Variants in ARHGAP32 observed in about 807,000 individuals in gnomAD.
The protein encoded by ARHGAP32 is Rho GTPase activating protein 32.
Under a neutral mutation model 186.5 loss-of-function variants are expected in ARHGAP32, and 51 were observed. That is an observed-to-expected ratio of 0.27 (90% CI 0.22 to 0.35). The LOEUF (loss-of-function observed/expected upper bound fraction) is 0.35. ARHGAP32 is among the 10% of genes least tolerant of loss of function. The pLI, the probability that ARHGAP32 is intolerant of heterozygous loss-of-function variation, is 1.00. For synonymous variants in ARHGAP32, 950 were observed against 964.3 expected, an observed-to-expected ratio of 0.99 and a Z score of 0.27; for missense variants, 2,186 against 2,623.5, an observed-to-expected ratio of 0.83 and a Z score of 3.64.
At chr11:129,137,611 G>A (rs772654897) in intron 2 of ARHGAP32, among the ~76,000 whole-genome samples, 1 of 151,918 alleles carries the variant, frequency 6.6e-6, no homozygotes, top group Non-Finnish European at 1.5e-5. Context: ...AAAAGAAGAC[G>A]ATTAAAGCAA....
chr11:129,069,896 T>C (rs1940816443), intron 6 of ARHGAP32, among the ~76,000 whole-genome samples: 1 of 151,994 alleles, frequency 6.6e-6, no homozygotes, highest in Non-Finnish European at 1.5e-5. Context: ...CTGGTGCTTG[T>C]AGAAGAGAAA....
At chr11:129,270,730 T>TA (rs1384367688) in intron 1 of ARHGAP32, among the ~76,000 whole-genome samples, 2,678 of 143,256 alleles carry the variant, frequency 0.019, 87 homozygotes, top group African/African-American at 0.062. Flanking sequence ...ATAGTCTACT[T>TA]AAAAAAAAAA....
chr11:129,033,558 C>A (rs1939201380), intron 11 of ARHGAP32, among the ~76,000 whole-genome samples: 1 of 152,150 alleles, frequency 6.6e-6, no homozygotes, highest in Non-Finnish European at 1.5e-5. Context: ...CTGTAATCTG[C>A]CCTTTCACTG....
intron 1 of ARHGAP32, among the ~76,000 whole-genome samples, chr11:129,262,770 G>A (rs1945339723): frequency 2.5e-5 from 2 of 80,500 alleles, no homozygotes; most frequent in Admixed American, 1.5e-4. Flanking sequence ...CCTGGGAGAA[G>A]ACTGCAACAC....
Position 128,981,468 on chromosome 11 carries a change from G to A in ARHGAP32, c.1728C>T (p.His576=), listed in dbSNP as rs763899047. 1.8e-5 allele frequency: 29 copies of A among 1,613,614 alleles called. No individual in the cohort carries two copies. In the South Asian group the frequency reaches 2.1e-4, roughly 12 times the overall value. ...QSVVVEFILN[H]VDVLFSGRIS... ...TTCTGCCGCTGAACAGCACATCAACGTGATTCAGGATGAACTCAACAACCA... is the reference window on the plus strand; with the variant it reads ...TTCTGCCGCTGAACAGCACATCAACATGATTCAGGATGAACTCAACAACCA... Residue 576 remains histidine, a synonymous_variant, in exon 17 of 23, where the codon CAC becomes CAT. Coordinates refer to ENST00000682385, the MANE Select transcript of ARHGAP32 (RefSeq NM_001378024.1).
chr11:128,972,652 G>A lies in ARHGAP32; in HGVS notation c.3854C>T (p.Ala1285Val), dbSNP rs1196083735. The change falls in exon 22 of 23, where the codon GCC becomes GTC. Residue 1285 changes from alanine (A) to valine (V), a missense_variant. Coordinates refer to ENST00000682385, the MANE Select transcript of ARHGAP32 (RefSeq NM_001378024.1). ...MTYMTTTPATAQMSTKEASWD... is the reference protein window; with the variant it reads ...MTYMTTTPATVQMSTKEASWD... The stretch of plus-strand genomic sequence containing the variant: ...GCTGGCTTCCTTGGTGCTCATTTGG[G>A]CTGTTGCTGGAGTAGTTGTCATGTA... 1 of 1,613,830 alleles carries A rather than the reference G, an allele frequency of 6.2e-7. No individual in the cohort carries two copies. The highest frequency in any genetic ancestry group is 2.2e-5 in the East Asian group (1 of 44,876).
intron 11 of ARHGAP32, among the ~76,000 whole-genome samples, chr11:129,012,483 T>A (rs1938129605): frequency 6.6e-6 from 1 of 152,100 alleles, no homozygotes; most frequent in African/African-American, 2.4e-5. Flanking sequence ...TAAATAAAAT[T>A]CCTTATCAAA....
At chr11:129,034,602 G>A (rs1331266655) in intron 11 of ARHGAP32, among the ~76,000 whole-genome samples, 2 of 151,660 alleles carry the variant, frequency 1.3e-5, no homozygotes, top group Non-Finnish European at 2.9e-5. Flanking sequence ...AGCTTTATGC[G>A]AGAAAAGAAA....
intron 6 of ARHGAP32, among the ~76,000 whole-genome samples, chr11:129,081,652 A>G (rs919987841): frequency 6.6e-6 from 1 of 152,120 alleles, no homozygotes; most frequent in Admixed American, 6.5e-5. Flanking sequence ...ATTATACTGA[A>G]CAGGTAAAAG....
At chr11:129,207,374 A>G (rs1944527506) in intron 1 of ARHGAP32, among the ~76,000 whole-genome samples, 3 of 152,064 alleles carry the variant, frequency 2.0e-5, no homozygotes, top group Admixed American at 2.0e-4. Context: ...AAACGTTCCT[A>G]TTTCTCCACA....
intron 11 of ARHGAP32, among the ~76,000 whole-genome samples, chr11:129,022,981 T>C (rs1490267270): frequency 6.6e-6 from 1 of 152,186 alleles, no homozygotes; most frequent in East Asian, 1.9e-4. Context: ...ACTATGAAAA[T>C]GAGCTCTAAA....
At chr11:129,259,042 T>C (rs1945290245) in intron 1 of ARHGAP32, among the ~76,000 whole-genome samples, 1 of 152,142 alleles carries the variant, frequency 6.6e-6, no homozygotes, top group African/African-American at 2.4e-5. Context: ...TAAAGAGAAC[T>C]ACCTAAAAGT....
rs955886737 is a variant in ARHGAP32, at chr11:128,965,705, C to G, written c.*3202G>C. The G allele has an allele frequency of 1.3e-5, 2 of 152,226 alleles. No homozygotes were observed. The highest frequency in any genetic ancestry group is 4.8e-5 in the African/African-American group (2 of 41,446). The allele number at this position is 152,226 out of a possible 1,614,324, so 9.4% of individuals were successfully genotyped here. A position where few individuals can be genotyped will look rare whatever the true frequency, so the allele number is the denominator to read the frequency against. ...TTTCATTATTACTTTCTTACACATT[C>G]TGCTCAAGCAGTACTTTGCCAACAT... On this transcript the variant is annotated 3_prime_UTR_variant, in exon 23 of 23. Transcript: ENST00000682385.
At chr11:128,985,848 G>GTA (rs1167659994) in intron 15 of ARHGAP32, 155 bp downstream of exon 15, 9 of 128,768 alleles carry the variant, frequency 7.0e-5, no homozygotes, top group African/African-American at 3.8e-4. Flanking sequence ...GTGTGTGTGT[G>GTA]TGTGTGTGTG....
intron 5 of ARHGAP32, among the ~76,000 whole-genome samples, chr11:129,122,227 T>C (rs1028042045): frequency 3.9e-5 from 6 of 152,078 alleles, no homozygotes; most frequent in African/African-American, 9.7e-5. Flanking sequence ...CATTTAAATA[T>C]TCTTTGGACT....
Position 129,123,626 on chromosome 11 carries a change from G to A in ARHGAP32, c.360-96C>T, listed in dbSNP as rs1031742006. 27 of 1,135,040 alleles carry A rather than the reference G, an allele frequency of 2.4e-5. No homozygotes were observed. In the African/African-American group the frequency reaches 4.1e-4, roughly 17 times the overall value. 70.3% of individuals were successfully genotyped at this position (1,135,040 alleles called of 1,614,324 possible). On this transcript the variant is annotated intron_variant, in intron 4 of 22. Transcript: ENST00000682385. The surrounding 1 kb of genome is among the most constrained non-coding windows in gnomAD (Gnocchi z 4.6). Reference sequence around the variant, plus strand: ...ACAGTGGATTTAAGAGCTCATGCAAGCAAAAATATTTCGTAAGCACATGCG... The same window carrying A: ...ACAGTGGATTTAAGAGCTCATGCAAACAAAAATATTTCGTAAGCACATGCG...
At chr11:129,176,820 C>G (rs1164470537) in intron 1 of ARHGAP32, among the ~76,000 whole-genome samples, 3 of 151,860 alleles carry the variant, frequency 2.0e-5, no homozygotes, top group East Asian at 3.9e-4. Context: ...ACTAAATGCC[C>G]ACAAGAGAAA....
At chr11:129,242,971 T>A (rs562107434) in intron 1 of ARHGAP32, among the ~76,000 whole-genome samples, 1 of 152,156 alleles carries the variant, frequency 6.6e-6, no homozygotes, top group African/African-American at 2.4e-5. Context: ...TCCACTTCAA[T>A]GGCTTCATCT....
intron 6 of ARHGAP32, among the ~76,000 whole-genome samples, chr11:129,090,076 TG>T (rs1941530471): frequency 6.6e-6 from 1 of 152,198 alleles, no homozygotes; most frequent in African/African-American, 2.4e-5. Flanking sequence ...ATCTATGAAA[TG>T]GGAATAAATG....
Sources: allele counts gnomAD v4.1 joint callset (sites outside exome capture counted in the v4.1 genomes callset), GRCh38; gene constraint gnomAD v4.1.1; non-coding constraint Gnocchi (gnomAD v3.1); transcripts MANE v1.5; gene names NCBI Gene and HGNC (gene_info 2026-07-23, HGNC 2026-07-21).